Variants in PCDHA4 observed in about 807,000 individuals in gnomAD.
PCDHA4 encodes protocadherin alpha 4, also known as protocadherin alpha-4.
PCDHA4 carries 49 observed loss-of-function variants against 61.4 expected under a neutral mutation model. The observed-to-expected ratio is 0.80, with a 90% CI of 0.63 to 1.01. The LOEUF is 1.01. Among genes scored for constraint, PCDHA4 ranks in the 50% least tolerant of loss-of-function variants. PCDHA4 has a pLI of 0.00. For synonymous variants in PCDHA4, 590 were observed against 550.3 expected (o/e 1.07, Z -1.01); for missense variants, 1,254 against 1,235.8 (o/e 1.01, Z -0.22).
intron 1 of PCDHA4, among the ~76,000 whole-genome samples, chr5:140,951,082 C>CT (rs573059224): frequency 1.2e-3 from 178 of 151,520 alleles, no homozygotes; most frequent in African/African-American, 4.1e-3. Context: ...TTATATTTTC[C>CT]TTTTTTTCTG....
chr5:140,951,773 A>T (rs1554220071), intron 1 of PCDHA4, among the ~76,000 whole-genome samples: 1 of 152,198 alleles, frequency 6.6e-6, no homozygotes, highest in East Asian at 1.9e-4. Context: ...TGACGTTCTT[A>T]CATTGCAAAA....
chr5:140,848,614 A>G (rs2150414883), intron 1 of PCDHA4: 3 of 1,593,564 alleles, frequency 1.9e-6, no homozygotes, highest in African/African-American at 1.3e-5. Flanking sequence ...GAGGAAGCCG[A>G]ACACGGCACC....
In PCDHA4 at chr5:140,836,730, A is replaced by G. The variant is rs2150268726; in HGVS notation, c.2385+27158A>G. 6.2e-6 allele frequency: 10 copies of G among 1,610,112 alleles called. No individual in the cohort carries two copies. In the African/African-American group the frequency reaches 1.1e-4, roughly 17 times the overall value. On this transcript the variant is annotated intron_variant, in intron 1 of 3. Transcript: ENST00000530339. The stretch of plus-strand genomic sequence containing the variant: ...CAGCCTTCCTCAGGGTCCATCCTCT[A>G]CAGACAATGTGAGTCATAAATAATC...
Position 140,851,044 on chromosome 5 carries a change from G to A in PCDHA4, c.2385+41472G>A, listed in dbSNP as rs781824317. 121 of 1,389,526 alleles carry A rather than the reference G, an allele frequency of 8.7e-5. 9 individuals are homozygous for A. The highest frequency in any genetic ancestry group is 1.1e-4 in the Non-Finnish European group (114 of 1,060,604). 86.1% of individuals were successfully genotyped at this position (1,389,526 alleles called of 1,614,324 possible). On this transcript the variant is annotated intron_variant, in intron 1 of 3. Transcript: ENST00000530339. ...AAGTAAACCCCTTAACATTGGAGCC[G>A]ACTTTGTCTTGACTTCTAGTGAGAA... is the stretch of plus-strand genomic sequence containing the variant.
intron 1 of PCDHA4, among the ~76,000 whole-genome samples, chr5:140,840,143 C>A (rs1776577709): frequency 2.6e-5 from 4 of 151,842 alleles, no homozygotes; most frequent in Admixed American, 2.6e-4. Flanking sequence ...GAAATTATCA[C>A]ACGTGAAAGG....
intron 1 of PCDHA4, among the ~76,000 whole-genome samples, chr5:140,873,864 T>C (rs1275090016): frequency 6.6e-6 from 1 of 152,210 alleles, no homozygotes; most frequent in African/African-American, 2.4e-5. Context: ...TTTCACCATG[T>C]TGGCCAGGCT....
At chr5:140,917,739 T>C (rs1554198287) in intron 1 of PCDHA4, among the ~76,000 whole-genome samples, 1 of 152,222 alleles carries the variant, frequency 6.6e-6, no homozygotes, top group African/African-American at 2.4e-5. Flanking sequence ...CTCTAACCTG[T>C]CCCATTGGTC....
intron 1 of PCDHA4, chr5:140,884,248 G>A: frequency 1.2e-6 from 2 of 1,613,458 alleles, no homozygotes; most frequent in Non-Finnish European, 1.7e-6. Flanking sequence ...CCGCGCTGAC[G>A]GCCACGGCAA....
intron 1 of PCDHA4, chr5:140,966,228 A>G: frequency 3.6e-6 from 1 of 275,386 alleles, no homozygotes; most frequent in Admixed American, 5.3e-5. Context: ...AATCTCCTTA[A>G]AGACCCGTTA....
intron 1 of PCDHA4, among the ~76,000 whole-genome samples, chr5:140,871,917 C>T (rs1156778814): frequency 2.0e-5 from 3 of 152,178 alleles, no homozygotes; most frequent in Admixed American, 2.0e-4. Context: ...CTTGATATTT[C>T]CACATTGTTA....
intron 1 of PCDHA4, chr5:140,843,325 G>A: frequency 6.3e-7 from 1 of 1,596,050 alleles, no homozygotes. Flanking sequence ...TTCTGGTGTC[G>A]CTGGTGGAGA....
At chr5:141,007,280 T>G (rs946303708) in intron 3 of PCDHA4, among the ~76,000 whole-genome samples, 1 of 151,106 alleles carries the variant, frequency 6.6e-6, no homozygotes, top group East Asian at 1.9e-4. Flanking sequence ...CTGGGTGCAG[T>G]GGGCTCATGC....
intron 1 of PCDHA4, among the ~76,000 whole-genome samples, chr5:140,906,364 C>T (rs2072599872): frequency 6.6e-6 from 1 of 152,184 alleles, no homozygotes; most frequent in African/African-American, 2.4e-5. Context: ...ATTCCCAACC[C>T]AAATGCTATT....
chr5:140,823,016 G>T (rs1554129036), intron 1 of PCDHA4: 1 of 1,614,216 alleles, frequency 6.2e-7, no homozygotes, highest in Non-Finnish European at 8.5e-7. Context: ...GCCCTGGACC[G>T]CGAGAGCGTG....
chr5:140,869,476 G>C (rs530490517), intron 1 of PCDHA4: 71 of 1,614,076 alleles, frequency 4.4e-5, no homozygotes, highest in Non-Finnish European at 5.9e-5. Context: ...GGAGGTGAAG[G>C]ACATTAACGA....
intron 1 of PCDHA4, chr5:140,842,928 G>A (rs2150347921): frequency 6.3e-7 from 1 of 1,594,252 alleles, no homozygotes; most frequent in Admixed American, 1.7e-5. Flanking sequence ...TTCCAGGTGA[G>A]CGCGCGCGAC....
intron 3 of PCDHA4, among the ~76,000 whole-genome samples, chr5:140,986,890 G>A (rs965456573): frequency 6.6e-6 from 1 of 152,124 alleles, no homozygotes; most frequent in Non-Finnish European, 1.5e-5. Flanking sequence ...CAAATTCTTA[G>A]GCCCTATCCT....
chr5:140,838,631 G>T (rs1181187323), intron 1 of PCDHA4, among the ~76,000 whole-genome samples: 2 of 151,888 alleles, frequency 1.3e-5, no homozygotes, highest in Non-Finnish European at 2.9e-5. Context: ...CAAATAATTT[G>T]GTTGGTCAAA....
chr5:140,839,259 C>CATGT (rs1776124164), intron 1 of PCDHA4, among the ~76,000 whole-genome samples: 1 of 152,020 alleles, frequency 6.6e-6, no homozygotes, highest in African/African-American at 2.4e-5. Flanking sequence ...TGCTTACATG[C>CATGT]ATGTATATTT....
Sources: gnomAD v4.1 joint callset for allele counts (sites outside exome capture counted in the v4.1 genomes callset) on GRCh38, gnomAD v4.1.1 for gene constraint, MANE v1.5 for transcripts, NCBI Gene and HGNC (gene_info 2026-07-23, HGNC 2026-07-21) for gene names.